The following CDH23 variants were observed in gnomAD, a reference collection of about 807,000 sequenced individuals.
CDH23 encodes the protein cadherin related 23.
Under a neutral mutation model 317.1 loss-of-function variants are expected in CDH23, and 189 were observed. That is an observed-to-expected ratio of 0.60 (90% confidence interval 0.53 to 0.67). CDH23 has a LOEUF of 0.67. Ranked by LOEUF, CDH23 falls within the 30% of genes least tolerant of loss-of-function variation. The pLI is 0.00. For synonymous variants in CDH23, 1,839 were observed against 1,876.8 expected (o/e 0.98, Z 0.52); for missense variants, 4,401 against 4,592.4 (o/e 0.96, Z 1.20).
At chr10:71,505,013 A>G (rs1307909011) in intron 3 of CDH23, among the ~76,000 whole-genome samples, 1 of 152,248 alleles carries the variant, frequency 6.6e-6, no homozygotes, top group Non-Finnish European at 1.5e-5. Flanking sequence ...GGGAATTTGC[A>G]TTGTAAAGCT....
Position 71,813,281 on chromosome 10 carries a change from G to A in CDH23, c.9671G>A (p.Arg3224Gln), listed in dbSNP as rs561307421. Residue 3224 changes from arginine to glutamine, a missense_variant, in exon 69 of 70, where the codon CGG becomes CAG. Physicochemically the swap from Arg to Gln is conservative, Grantham distance 43. This residue lies in a region of CDH23 where 1,144 missense variants were observed against 1,138.2 expected (regional missense o/e 1.01). Transcript: ENST00000224721. ...AAGGTGGTCCTGGAGGATTACCTGC[G>A]GCTCAAAAAGCTCTTTGCACAGCGG... The part of the protein sequence containing the change: ...LLKVVLEDYL[R>Q]LKKLFAQRMV... 34 of 1,551,668 alleles carry A rather than the reference G, an allele frequency of 2.2e-5. No homozygotes were observed. The highest frequency in any genetic ancestry group is 1.7e-4 in the Middle Eastern group (1 of 5,992).
chr10:71,788,561 T>C (rs1028502739), intron 44 of CDH23, among the ~76,000 whole-genome samples: 3 of 152,118 alleles, frequency 2.0e-5, no homozygotes, highest in Non-Finnish European at 4.4e-5. Flanking sequence ...GTTCATGCCA[T>C]TCTCCTGCCT....
At chr10:71,716,098 C>T in intron 28 of CDH23, 5 of 1,537,558 alleles carry the variant, frequency 3.3e-6, no homozygotes, top group Non-Finnish European at 4.4e-6. Flanking sequence ...CACTGGGGCT[C>T]CCAGGGTGGT....
intron 38 of CDH23, among the ~76,000 whole-genome samples, chr10:71,758,933 G>T (rs1840218747): frequency 1.3e-5 from 2 of 151,536 alleles, no homozygotes. Flanking sequence ...GCAGTGGTGT[G>T]ATCTCGGCTC....
Position 71,760,002 on chromosome 10 carries a change from C to T in CDH23, c.4846-17678C>T, listed in dbSNP as rs201513152. ...ACACATATATATACACACACACATA[C>T]ATATATATACACACACACATATATA... is the stretch of plus-strand genomic sequence containing the variant. On this transcript the variant is annotated intron_variant, in intron 38 of 69. Coordinates refer to ENST00000224721, the MANE Select transcript of CDH23 (RefSeq NM_022124.6). Among the ~76,000 whole-genome samples the T allele has an allele frequency of 1.5e-4, 8 of 52,600 alleles. 1 individual carries two copies. The highest frequency in any genetic ancestry group is 2.0e-4 in the Admixed American group (1 of 4,914). The allele number at this position is 52,600 out of a possible 152,430, so 34.5% of individuals were successfully genotyped here. A position where few individuals can be genotyped will look rare whatever the true frequency, so the allele number is the denominator to read the frequency against.
At chr10:71,644,166 A>C (rs1186308890) in intron 12 of CDH23, among the ~76,000 whole-genome samples, 1 of 152,196 alleles carries the variant, frequency 6.6e-6, no homozygotes. Context: ...TGACAGGCCC[A>C]GAGGAGCCTT....
chr10:71,508,778 G>T (rs115878244), intron 3 of CDH23, among the ~76,000 whole-genome samples: 2,506 of 152,266 alleles, frequency 0.016, 58 homozygotes, highest in African/African-American at 0.053. Flanking sequence ...GAGAATCAGA[G>T]GAAGACTATA....
At chr10:71,435,432 A>C (rs1217574568) in intron 1 of CDH23, among the ~76,000 whole-genome samples, 6 of 152,188 alleles carry the variant, frequency 3.9e-5, no homozygotes, top group African/African-American at 1.4e-4. Flanking sequence ...ATGTCCTCCC[A>C]CTGTGCCTGG....
chr10:71,645,384 T>G lies in CDH23; in HGVS notation c.1141-447T>G, dbSNP rs148098139. 8.1e-3 allele frequency among the ~76,000 whole-genome samples: 1,235 copies of G among 152,306 alleles called. 23 individuals carry two copies. Among genetic ancestry groups the G allele is most frequent in the African/African-American group, 0.029 (1,187 of 41,568 alleles). On this transcript the variant is annotated intron_variant, in intron 12 of 69. Coordinates refer to ENST00000224721, the MANE Select transcript of CDH23 (RefSeq NM_022124.6). ...AGGGGAAGAACAGCATCTGCATCCC[T>G]TGTGTCCTCTCCTGGCCAAGCCTGT...
chr10:71,608,809 T>G (rs1281227908), intron 9 of CDH23, among the ~76,000 whole-genome samples: 1 of 152,072 alleles, frequency 6.6e-6, no homozygotes, highest in African/African-American at 2.4e-5. Flanking sequence ...GAGATGCGGG[T>G]GGGCTTCCTA....
intron 1 of CDH23, among the ~76,000 whole-genome samples, chr10:71,423,175 C>T (rs78531164): frequency 0.017 from 2,664 of 152,230 alleles, 72 homozygotes; most frequent in African/African-American, 0.049. Context: ...AAGAGACAGG[C>T]GTGTGCACAC....
chr10:71,569,186 T>C (rs1216625796), intron 7 of CDH23, among the ~76,000 whole-genome samples: 1 of 152,204 alleles, frequency 6.6e-6, no homozygotes, highest in Non-Finnish European at 1.5e-5. Flanking sequence ...GCTCACCTCC[T>C]GCTTCCAGAC....
chr10:71,753,043 G>A (rs781633179), intron 38 of CDH23: 1 of 1,604,596 alleles, frequency 6.2e-7, no homozygotes, highest in South Asian at 1.1e-5. Context: ...TGGAAGGGAA[G>A]GCTTCCCCAT....
Position 71,756,836 on chromosome 10 carries a change from A to T in CDH23, c.4845+14915A>T, listed in dbSNP as rs561995706. 7.2e-5 allele frequency among the ~76,000 whole-genome samples: 11 copies of T among 152,290 alleles called. No homozygotes were observed. The South Asian group carries it at 2.1e-3, about 29-fold the overall frequency. On this transcript the variant is annotated intron_variant, in intron 38 of 69. Transcript: ENST00000224721. ...GTGGTCTAAATGTTGCCTTTCCGCTATTTGTTTGGGAATAAAGGCTGTTTT... is the reference window on the plus strand; with the variant it reads ...GTGGTCTAAATGTTGCCTTTCCGCTTTTTGTTTGGGAATAAAGGCTGTTTT...
chr10:71,513,714 A>C (rs1417695464), intron 6 of CDH23, among the ~76,000 whole-genome samples: 3 of 152,160 alleles, frequency 2.0e-5, no homozygotes, highest in Non-Finnish European at 2.9e-5. Flanking sequence ...CCTGGGTTCT[A>C]GTCTGCTGGC....
At chr10:71,648,542 C>T (rs1417172047) in intron 14 of CDH23, among the ~76,000 whole-genome samples, 2 of 152,118 alleles carry the variant, frequency 1.3e-5, no homozygotes, top group South Asian at 4.1e-4. Flanking sequence ...TTCCCATGGT[C>T]CTTGGAAAGG....
intron 11 of CDH23, among the ~76,000 whole-genome samples, chr10:71,623,814 C>G (rs1861581458): frequency 6.6e-6 from 1 of 152,184 alleles, no homozygotes; most frequent in Non-Finnish European, 1.5e-5. Flanking sequence ...GCCTTTATGA[C>G]AGAGGCTCTG....
At chr10:71,784,444 T>G in intron 42 of CDH23, 24 bp downstream of exon 42, 1 of 1,607,606 alleles carries the variant, frequency 6.2e-7, no homozygotes, top group South Asian at 1.1e-5. Flanking sequence ...CCCCACCCGC[T>G]GGCTTCACCT....
At chr10:71,546,417 C>T (rs918998731) in intron 6 of CDH23, among the ~76,000 whole-genome samples, 2 of 152,178 alleles carry the variant, frequency 1.3e-5, no homozygotes, top group African/African-American at 4.8e-5. Flanking sequence ...AGTTTTAATG[C>T]AACGCAAGCA....
Sources: allele counts gnomAD v4.1 joint callset (sites outside exome capture counted in the v4.1 genomes callset), GRCh38; gene constraint gnomAD v4.1.1; regional missense constraint gnomAD v4.1.1; transcripts MANE v1.5; gene names NCBI Gene and HGNC (gene_info 2026-07-23, HGNC 2026-07-21).